Variants in TANC2 observed in about 807,000 individuals in gnomAD.
TANC2 encodes the protein tetratricopeptide repeat, ankyrin repeat and coiled-coil containing 2, also known as protein TANC2.
A neutral mutation model predicts 210.5 loss-of-function variants in TANC2; 26 were observed. The observed-to-expected ratio is 0.12, with a 90% confidence interval of 0.09 to 0.17. The LOEUF (loss-of-function observed/expected upper bound fraction) is 0.17, where lower values mean the gene tolerates loss of function less well. Among genes scored for constraint, TANC2 ranks in the 10% least tolerant of loss-of-function variants. The pLI is 1.00. For missense variants in TANC2, 2,129 were observed against 2,608.9 expected (o/e 0.82, Z 4.01); for synonymous variants, 931 against 967.1 (o/e 0.96, Z 0.69).
At position 63,420,360 on chromosome 17, in the gene TANC2, C is replaced by G. The variant is rs201876209; in HGVS notation, c.4630C>G (p.Leu1544Val). The G allele has an allele frequency of 1.2e-6, 2 of 1,613,848 alleles. No homozygotes were observed. Among genetic ancestry groups the G allele is most frequent in the Non-Finnish European group, 1.7e-6 (2 of 1,179,900 alleles). Residue 1544 changes from leucine (L) to valine (V), a missense_variant, in exon 28 of 28, where the codon CTT becomes GTT. Physicochemically the swap from Leu to Val is conservative, Grantham distance 32. Transcript: ENST00000689528. This position sits in a 1 kb window ranked among gnomAD's most constrained non-coding sequence, Gnocchi z 4.2. The stretch of plus-strand genomic sequence containing the variant: ...CTCAGCCTACATCTCCAGCTCACCT[C>G]TTGGCTCTCATCAGGTTTTTGACTT...
At chr17:63,179,551 TCAA>T (rs2040707292) in intron 5 of TANC2, among the ~76,000 whole-genome samples, 1 of 152,226 alleles carries the variant, frequency 6.6e-6, no homozygotes, top group South Asian at 2.1e-4. Flanking sequence ...AATAGTACTA[TCAA>T]CATTATTCCA....
At chr17:63,053,342 T>C (rs1474120244) in intron 2 of TANC2, among the ~76,000 whole-genome samples, 1 of 152,266 alleles carries the variant, frequency 6.6e-6, no homozygotes, top group Non-Finnish European at 1.5e-5. Flanking sequence ...CTAAACCATT[T>C]ACACTGGCTG....
chr17:62,986,798 C>T (rs2032589690), intron 1 of TANC2, among the ~76,000 whole-genome samples: 1 of 151,996 alleles, frequency 6.6e-6, no homozygotes, highest in Admixed American at 6.6e-5. Flanking sequence ...GATGCAGATG[C>T]GTGATTGCTT....
rs191194736 is a variant in TANC2 at position 63,072,613 on chromosome 17, A to G, written c.68-1330A>G. 2.3e-3 allele frequency among the ~76,000 whole-genome samples: 343 copies of G among 152,146 alleles called. 1 individual carries two copies. Among genetic ancestry groups the G allele is most frequent in the Non-Finnish European group, 4.0e-3 (272 of 67,912 alleles). ...TGCCTATCACTTTGAGTATCTTTCT[A>G]TGTGATAAGTTATTTTACAAATCTG... On this transcript the variant is annotated intron_variant, in intron 2 of 27. Transcript: ENST00000689528.
At chr17:62,986,897 G>A (rs1269243508) in intron 1 of TANC2, among the ~76,000 whole-genome samples, 1 of 152,106 alleles carries the variant, frequency 6.6e-6, no homozygotes, top group Non-Finnish European at 1.5e-5. Flanking sequence ...AGCAAGCCTG[G>A]GATCATGTCT....
chr17:63,180,841 T>C (rs1480534621), intron 5 of TANC2, among the ~76,000 whole-genome samples: 2 of 151,514 alleles, frequency 1.3e-5, no homozygotes, highest in African/African-American at 4.9e-5. Context: ...CTGGCCAACA[T>C]GGTGAAACCG....
intron 8 of TANC2, among the ~76,000 whole-genome samples, chr17:63,262,988 AGTTT>A (rs1443754355): frequency 1.3e-5 from 2 of 152,128 alleles, no homozygotes; most frequent in Non-Finnish European, 2.9e-5. Flanking sequence ...TCCCTTTCTT[AGTTT>A]AAGTTCCCTA....
chr17:63,004,716 G>C, intron 1 of TANC2: 1 of 321,622 alleles, frequency 3.1e-6, no homozygotes, highest in South Asian at 3.4e-5. Flanking sequence ...ACTTCACTTG[G>C]TATCTCCGGC....
At chr17:63,134,681 A>G (rs935673312) in intron 4 of TANC2, among the ~76,000 whole-genome samples, 4 of 152,202 alleles carry the variant, frequency 2.6e-5, no homozygotes, top group Admixed American at 2.0e-4. Context: ...CTCACATTTT[A>G]AAGACAAGGA....
intron 11 of TANC2, chr17:63,320,565 A>C (rs922292455): frequency 1.3e-5 from 2 of 152,190 alleles, no homozygotes; most frequent in Non-Finnish European, 2.9e-5. Context: ...CTATGCTTAT[A>C]CTTGCTTATT....
intron 1 of TANC2, among the ~76,000 whole-genome samples, chr17:63,009,291 G>T (rs2033762197): frequency 6.6e-6 from 1 of 151,470 alleles, no homozygotes; most frequent in African/African-American, 2.4e-5. Context: ...TACTTTTTGT[G>T]GGTACATAGT....
intron 14 of TANC2, among the ~76,000 whole-genome samples, chr17:63,374,467 G>A (rs991704384): frequency 6.6e-6 from 1 of 152,178 alleles, no homozygotes; most frequent in African/African-American, 2.4e-5. Flanking sequence ...GTGGAGTAGA[G>A]CAACATAGAA....
At chr17:63,164,326 T>G (rs577697144) in intron 5 of TANC2, among the ~76,000 whole-genome samples, 5 of 152,056 alleles carry the variant, frequency 3.3e-5, no homozygotes, top group Non-Finnish European at 2.9e-5. Flanking sequence ...TATGGCACCA[T>G]GAGAGATTTT....
rs774124636 is a variant in TANC2 at position 63,073,899 on chromosome 17, A to G, written c.68-44A>G. On this transcript the variant is annotated intron_variant, in intron 2 of 27. Coordinates refer to ENST00000689528, the Ensembl canonical transcript of TANC2. ...ATAATGTCAGAGACACTGTTATGTC[A>G]ATCTCATTATCTATTTGCTTATGCT... The G allele has an allele frequency of 3.4e-6, 5 of 1,470,414 alleles. No homozygotes were observed. In the Admixed American group the frequency reaches 1.0e-4, roughly 30 times the overall value. The allele number at this position is 1,470,414 out of a possible 1,614,324, so 91.1% of individuals were successfully genotyped here.
At chr17:63,107,781 G>C (rs1385196191) in intron 4 of TANC2, among the ~76,000 whole-genome samples, 3 of 151,642 alleles carry the variant, frequency 2.0e-5, no homozygotes, top group African/African-American at 4.9e-5. Context: ...TATAGAGACA[G>C]AATGTTAATT....
chr17:63,061,950 C>T (rs1241645899), intron 2 of TANC2, among the ~76,000 whole-genome samples: 2 of 151,966 alleles, frequency 1.3e-5, no homozygotes, highest in Non-Finnish European at 2.9e-5. Flanking sequence ...TGATTTCTGT[C>T]TCTTCATTTC....
chr17:63,289,370 T>G (rs1217978422), intron 9 of TANC2, among the ~76,000 whole-genome samples: 1 of 152,142 alleles, frequency 6.6e-6, no homozygotes, highest in Non-Finnish European at 1.5e-5. Context: ...TTTTTTTCAG[T>G]CTTCGTTCTC....
At chr17:63,260,780 C>A (rs935417885) in intron 8 of TANC2, among the ~76,000 whole-genome samples, 1 of 151,732 alleles carries the variant, frequency 6.6e-6, no homozygotes, top group African/African-American at 2.4e-5. Flanking sequence ...AAAAAAATTT[C>A]TTTTGCATCT....
chr17:63,251,860 C>T (rs1161562562), intron 8 of TANC2, among the ~76,000 whole-genome samples: 2 of 152,050 alleles, frequency 1.3e-5, no homozygotes, highest in African/African-American at 4.8e-5. Flanking sequence ...GAGAAATGTG[C>T]TCATGCCAAA....
Sources: allele counts gnomAD v4.1 joint callset (sites outside exome capture counted in the v4.1 genomes callset), GRCh38; gene constraint gnomAD v4.1.1; non-coding constraint Gnocchi (gnomAD v3.1); transcripts MANE v1.5; gene names NCBI Gene and HGNC (gene_info 2026-07-23, HGNC 2026-07-21).